ANKRD12: variants seen among roughly 807,000 people sequenced by gnomAD.
The protein encoded by ANKRD12 is ankyrin repeat domain 12.
ANKRD12 carries 85 observed loss-of-function variants against 183.4 expected under a neutral mutation model. The observed-to-expected ratio is 0.46, with a 90% CI of 0.39 to 0.56. The LOEUF (loss-of-function observed/expected upper bound fraction) is 0.56, where lower values mean the gene tolerates loss of function less well. Ranked by LOEUF, ANKRD12 falls within the 20% of genes least tolerant of loss-of-function variation. The pLI, the probability that ANKRD12 is intolerant of heterozygous loss-of-function variation, is 0.00. For missense variants in ANKRD12, 2,405 were observed against 2,357.1 expected (o/e 1.02, Z -0.42); for synonymous variants, 914 against 800.2 (o/e 1.14, Z -2.40).
intron 1 of ANKRD12, among the ~76,000 whole-genome samples, chr18:9,141,014 A>G (rs1476418010): frequency 1.3e-5 from 2 of 152,184 alleles, no homozygotes; most frequent in African/African-American, 4.8e-5. Flanking sequence ...TGTTTTATTA[A>G]CCATTGCTCT....
intron 8 of ANKRD12, among the ~76,000 whole-genome samples, chr18:9,227,173 A>G (rs192332030): frequency 6.6e-6 from 1 of 152,270 alleles, no homozygotes; most frequent in Non-Finnish European, 1.5e-5. Context: ...CTTTAGAAAA[A>G]GATATGTAAT....
At chr18:9,227,240 A>G (rs1023428670) in intron 8 of ANKRD12, among the ~76,000 whole-genome samples, 3 of 152,162 alleles carry the variant, frequency 2.0e-5, no homozygotes, top group African/African-American at 7.2e-5. Flanking sequence ...TAAAACATTA[A>G]CTGGATAAAT....
Position 9,173,618 on chromosome 18 carries a change from G to GT in ANKRD12, c.-51-8764_-51-8763insT, listed in dbSNP as rs1226213090. Among the ~76,000 whole-genome samples the GT allele has an allele frequency of 5.8e-4, 82 of 142,412 alleles. 3 individuals are homozygous for GT. Among genetic ancestry groups the GT allele is most frequent in the African/African-American group, 2.0e-3 (78 of 39,070 alleles). 93.4% of individuals were successfully genotyped at this position (142,412 alleles called of 152,430 possible). A position where few individuals can be genotyped will look rare whatever the true frequency, so the allele number is the denominator to read the frequency against. On this transcript the variant is annotated intron_variant, in intron 1 of 12. Transcript: ENST00000262126. ...GGAGCTCCATCCCGGTGGGGTGGTG[G>GT]GGGGGGGGTAGGGGGGGCAGTACTG...
intron 10 of ANKRD12, among the ~76,000 whole-genome samples, chr18:9,264,917 G>A (rs921075035): frequency 1.7e-4 from 26 of 152,232 alleles, no homozygotes; most frequent in Admixed American, 1.6e-3. Flanking sequence ...CAGCGTGAGC[G>A]ACGCAGAAGA....
intron 8 of ANKRD12, among the ~76,000 whole-genome samples, chr18:9,252,422 C>T (rs2038350770): frequency 6.6e-6 from 1 of 152,140 alleles, no homozygotes; most frequent in Non-Finnish European, 1.5e-5. Flanking sequence ...GGCCCAGGTT[C>T]CAGAGCCAGG....
Position 9,218,013 on chromosome 18 carries a change from C to G in ANKRD12, c.795+1113C>G, listed in dbSNP as rs567058932. 3.9e-5 allele frequency among the ~76,000 whole-genome samples: 6 copies of G among 152,264 alleles called. No individual in the cohort carries two copies. The South Asian group carries it at 1.2e-3, about 32-fold the overall frequency. ...CCCTTTCCTTTGAATTTATCGGAAACTGACTTACTTTCTGGCTTTGATATT... is the reference window on the plus strand; with the variant it reads ...CCCTTTCCTTTGAATTTATCGGAAAGTGACTTACTTTCTGGCTTTGATATT... On this transcript the variant is annotated intron_variant, in intron 7 of 12. Coordinates refer to ENST00000262126, the MANE Select transcript of ANKRD12 (RefSeq NM_015208.5).
chr18:9,150,283 G>A (rs543217876), intron 1 of ANKRD12, among the ~76,000 whole-genome samples: 9 of 151,968 alleles, frequency 5.9e-5, no homozygotes, highest in Admixed American at 1.3e-4. Context: ...CTTTTATCTC[G>A]TTTCGTCTAC....
Position 9,255,778 on chromosome 18 carries a change from A to T in ANKRD12, c.2511A>T (p.Glu837Asp). The T allele has an allele frequency of 6.3e-7, 1 of 1,577,590 alleles. No homozygotes were observed. The highest frequency in any genetic ancestry group is 8.5e-7 in the Non-Finnish European group (1 of 1,170,770). ...QIKEKDIEKM[E>D]RKTFEKEKKI... is the part of the protein sequence containing the mutation. ...AAGAAAAGGACATTGAGAAGATGGA[A>T]AGAAAAACCTTTGAAAAAGAAAAGA... Residue 837 changes from glutamate (E) to aspartate (D), a missense_variant, in exon 9 of 13, where the codon GAA becomes GAT. Physicochemically the swap from Glu to Asp is conservative, Grantham distance 45 (BLOSUM62 2). Coordinates refer to ENST00000262126, the MANE Select transcript of ANKRD12 (RefSeq NM_015208.5).
chr18:9,210,441 C>A (rs2035729704), intron 5 of ANKRD12, among the ~76,000 whole-genome samples: 1 of 151,802 alleles, frequency 6.6e-6, no homozygotes, highest in South Asian at 2.1e-4. Flanking sequence ...AAAGGTAGGG[C>A]CGGGCATGGT....
At position 9,221,854 on chromosome 18, in the gene ANKRD12, A is replaced by G; in HGVS notation, c.798A>G (p.Ile266Met). 1 of 1,613,832 alleles carries G rather than the reference A, an allele frequency of 6.2e-7. No homozygotes were observed. The highest frequency in any genetic ancestry group is 8.5e-7 in the Non-Finnish European group (1 of 1,179,818). The change falls in exon 8 of 13, where the codon ATA (isoleucine) becomes ATG (methionine). Residue 266 changes from isoleucine to methionine, a missense_variant and splice_region_variant. Around this residue, in one of 7 missense-constraint regions of ANKRD12, gnomAD observed 40 missense variants for 54.2 expected, o/e 0.74. Transcript: ENST00000262126. ...HDSASSGHRD[I>M]VKLLLRHGGN... Reference sequence around the variant, plus strand: ...CTTCCTGCTTTTTATTGTTGCAGATAGTAAAGCTGTTACTTCGTCACGGTG... The same window carrying G: ...CTTCCTGCTTTTTATTGTTGCAGATGGTAAAGCTGTTACTTCGTCACGGTG...
At chr18:9,157,400 A>G (rs1315710586) in intron 1 of ANKRD12, among the ~76,000 whole-genome samples, 2 of 152,044 alleles carry the variant, frequency 1.3e-5, no homozygotes, top group Non-Finnish European at 2.9e-5. Flanking sequence ...AGGAAAAGAT[A>G]AAAATTCAAA....
In ANKRD12 at chr18:9,254,683, T is replaced by A. The variant is rs2038496869; in HGVS notation, c.1416T>A (p.Val472=). The change falls in exon 9 of 13, where the codon GTT becomes GTA. Residue 472 remains valine, a synonymous_variant. Transcript: ENST00000262126. ...GTGAACACAAACAGAAAGGCAAAGT[T>A]AAAAGAAAATTGAAAAATCAGAATA... The part of the protein sequence containing the change: ...VSGEHKQKGK[V]KRKLKNQNKN... 1 of 1,519,178 alleles carries A rather than the reference T, an allele frequency of 6.6e-7. No homozygotes were observed. The highest frequency in any genetic ancestry group is 1.4e-5 in the African/African-American group (1 of 70,620). 94.1% of individuals were successfully genotyped at this position (1,519,178 alleles called of 1,614,324 possible).
chr18:9,236,812 C>T (rs1211210654), intron 8 of ANKRD12, among the ~76,000 whole-genome samples: 1 of 152,158 alleles, frequency 6.6e-6, no homozygotes, highest in Non-Finnish European at 1.5e-5. Context: ...TGAAAACACA[C>T]ATATATACCC....
At chr18:9,249,717 G>A (rs978281320) in intron 8 of ANKRD12, 1 of 152,194 alleles carries the variant, frequency 6.6e-6, no homozygotes, top group African/African-American at 2.4e-5. Context: ...TGATCAATTA[G>A]TTGTAAACAC....
intron 10 of ANKRD12, among the ~76,000 whole-genome samples, chr18:9,271,389 G>A (rs896678302): frequency 2.6e-5 from 4 of 152,128 alleles, no homozygotes; most frequent in African/African-American, 9.7e-5. Flanking sequence ...GACGGGTGTG[G>A]CGGCACACGC....
At position 9,258,681 on chromosome 18, in the gene ANKRD12, C is replaced by G; in HGVS notation, c.5414C>G (p.Ala1805Gly). The part of the protein sequence containing the change: ...PVQVSPSLLQ[A>G]KEKTQQSLAA... ...CAAGTGAGTCCCTCTTTACTACAAG[C>G]AAAAGAGAAAACTCAGCAATCTCTG... is the stretch of plus-strand genomic sequence containing the variant. Residue 1805 changes from alanine to glycine, a missense_variant, in exon 9 of 13, where the codon GCA (alanine) becomes GGA (glycine). Around this residue, in one of 7 missense-constraint regions of ANKRD12, gnomAD observed 1,983 missense variants for 1,725.9 expected, o/e 1.15. Coordinates refer to ENST00000262126, the MANE Select transcript of ANKRD12 (RefSeq NM_015208.5). 1 of 1,613,824 alleles carries G rather than the reference C, an allele frequency of 6.2e-7. No homozygotes were observed. Among genetic ancestry groups the G allele is most frequent in the Non-Finnish European group, 8.5e-7 (1 of 1,179,882 alleles).
rs535379515 is a variant in ANKRD12 at position 9,222,177 on chromosome 18, A to G, written c.943+178A>G. Among the ~76,000 whole-genome samples, 35 of 152,324 alleles carry G rather than the reference A, an allele frequency of 2.3e-4. No homozygotes were observed. In the East Asian group the frequency reaches 6.7e-3, roughly 29 times the overall value. ...AGTTAGTAACCTAGGTGTTTGCTAC[A>G]TATACCCTGTGTGAATGAAGTCATA... is the stretch of plus-strand genomic sequence containing the variant. On this transcript the variant is annotated intron_variant, in intron 8 of 12. Coordinates refer to ENST00000262126, the MANE Select transcript of ANKRD12 (RefSeq NM_015208.5).
At chr18:9,190,721 C>T (rs2034399749) in intron 2 of ANKRD12, among the ~76,000 whole-genome samples, 1 of 152,156 alleles carries the variant, frequency 6.6e-6, no homozygotes, top group African/African-American at 2.4e-5. Flanking sequence ...TACAACTCAC[C>T]GATGGCCCAT....
At chr18:9,238,060 T>A (rs2037449518) in intron 8 of ANKRD12, among the ~76,000 whole-genome samples, 1 of 152,190 alleles carries the variant, frequency 6.6e-6, no homozygotes, top group Non-Finnish European at 1.5e-5. Flanking sequence ...TCAGTCCTTA[T>A]CCTTTGAAAT....
Sources: gnomAD v4.1 joint callset for allele counts (sites outside exome capture counted in the v4.1 genomes callset) on GRCh38, gnomAD v4.1.1 for gene constraint, gnomAD v4.1.1 regional missense constraint, MANE v1.5 for transcripts, NCBI Gene and HGNC (gene_info 2026-07-23, HGNC 2026-07-21) for gene names.